The following SBF2 variants were observed in gnomAD, a reference collection of about 807,000 sequenced individuals.
The protein encoded by SBF2 is myotubularin-related protein 13.
A neutral mutation model predicts 225.2 loss-of-function variants in SBF2; 112 were observed. The observed-to-expected ratio is 0.50, with a 90% CI of 0.43 to 0.58. The LOEUF (loss-of-function observed/expected upper bound fraction) is 0.58, where lower values mean the gene tolerates loss of function less well. Among genes scored for constraint, SBF2 ranks in the 20% least tolerant of loss-of-function variants. The probability of loss-of-function intolerance (pLI) is 0.00; values close to 1 mark genes in which losing one functional copy is unlikely to be tolerated. For synonymous variants in SBF2, 763 were observed against 773.3 expected, an observed-to-expected ratio of 0.99 and a Z score of 0.22; for missense variants, 1,996 against 2,206.2, an observed-to-expected ratio of 0.90 and a Z score of 1.91.
At chr11:9,982,161 G>C (rs1946985096) in intron 13 of SBF2, among the ~76,000 whole-genome samples, 1 of 152,044 alleles carries the variant, frequency 6.6e-6, no homozygotes, top group Admixed American at 6.6e-5. Context: ...TTGTCAATTT[G>C]CTTTTTTTCT....
chr11:10,254,852 G>A (rs1960711839), intron 1 of SBF2, among the ~76,000 whole-genome samples: 2 of 123,314 alleles, frequency 1.6e-5, no homozygotes, highest in African/African-American at 3.1e-5. Context: ...AGTGAGCTGA[G>A]ATTGTGCCAT....
chr11:10,125,910 T>A (rs968145868), intron 2 of SBF2, among the ~76,000 whole-genome samples: 1 of 152,214 alleles, frequency 6.6e-6, no homozygotes, highest in Non-Finnish European at 1.5e-5. Context: ...TTATTTTCTG[T>A]GTTCTCATGC....
At chr11:9,897,278 C>G (rs1246263422) in intron 16 of SBF2, among the ~76,000 whole-genome samples, 1 of 151,936 alleles carries the variant, frequency 6.6e-6, no homozygotes, top group Non-Finnish European at 1.5e-5. Context: ...GCTCTGTCAC[C>G]CAGGGTTGGA....
intron 2 of SBF2, among the ~76,000 whole-genome samples, chr11:10,056,834 G>A (rs745421754): frequency 6.6e-5 from 10 of 152,284 alleles, no homozygotes; most frequent in Middle Eastern, 3.4e-3. Flanking sequence ...TGACTTAACC[G>A]TTCTAGTCTT....
At chr11:9,968,963 A>T (rs1867146483) in intron 13 of SBF2, among the ~76,000 whole-genome samples, 1 of 152,188 alleles carries the variant, frequency 6.6e-6, no homozygotes, top group Non-Finnish European at 1.5e-5. Context: ...TCTTTAAACA[A>T]GTTTTCTCCT....
chr11:9,949,400 A>T (rs1865733716), intron 16 of SBF2, among the ~76,000 whole-genome samples: 1 of 152,168 alleles, frequency 6.6e-6, no homozygotes, highest in South Asian at 2.1e-4. Context: ...TTTTAAAGGA[A>T]TGCATATAAA....
intron 1 of SBF2, among the ~76,000 whole-genome samples, chr11:10,200,764 G>A (rs1269826203): frequency 6.6e-6 from 1 of 151,586 alleles, no homozygotes; most frequent in Non-Finnish European, 1.5e-5. Context: ...GATATATATT[G>A]ACAAACTCTC....
intron 22 of SBF2, among the ~76,000 whole-genome samples, chr11:9,848,380 A>G (rs1477450143): frequency 6.6e-6 from 1 of 152,246 alleles, no homozygotes; most frequent in Non-Finnish European, 1.5e-5. Context: ...TTAAAAGGAA[A>G]TAAAAAGATT....
chr11:10,099,095 T>G (rs1029404746), intron 2 of SBF2, among the ~76,000 whole-genome samples: 1 of 152,156 alleles, frequency 6.6e-6, no homozygotes, highest in Non-Finnish European at 1.5e-5. Flanking sequence ...TTGAGAGAGA[T>G]ATGGACTTCC....
intron 22 of SBF2, among the ~76,000 whole-genome samples, chr11:9,848,729 G>T (rs917250710): frequency 5.9e-5 from 9 of 152,246 alleles, no homozygotes; most frequent in Non-Finnish European, 1.5e-5. Context: ...AATACAATTT[G>T]TGTATAGCAA....
Position 10,062,248 on chromosome 11 carries a change from C to G in SBF2, c.142-19267G>C, listed in dbSNP as rs78643633. Reference sequence around the variant, plus strand: ...AAACTATAAATACCCTGGAAGACAACCTAGGTAATACCCTCATGGATCTAG... The same window carrying G: ...AAACTATAAATACCCTGGAAGACAAGCTAGGTAATACCCTCATGGATCTAG... On this transcript the variant is annotated intron_variant, in intron 2 of 39. Transcript: ENST00000256190. 1.7e-3 allele frequency among the ~76,000 whole-genome samples: 265 copies of G among 152,276 alleles called. 3 individuals are homozygous for G. In the East Asian group the frequency reaches 0.045, roughly 26 times the overall value.
chr11:10,079,457 G>C (rs557216185), intron 2 of SBF2, among the ~76,000 whole-genome samples: 1 of 152,300 alleles, frequency 6.6e-6, no homozygotes, highest in South Asian at 2.1e-4. Flanking sequence ...TAATACAGTT[G>C]AAAGTTCTGA....
At chr11:9,867,975 T>C (rs890508059) in intron 17 of SBF2, among the ~76,000 whole-genome samples, 2 of 152,172 alleles carry the variant, frequency 1.3e-5, no homozygotes, top group African/African-American at 2.4e-5. Flanking sequence ...TTAACAATAA[T>C]TTATTGTATA....
At chr11:10,222,868 C>G (rs995081967) in intron 1 of SBF2, among the ~76,000 whole-genome samples, 6 of 152,218 alleles carry the variant, frequency 3.9e-5, no homozygotes, top group Admixed American at 6.5e-5. Flanking sequence ...TAATGGAACA[C>G]TAGGCATAAA....
intron 13 of SBF2, among the ~76,000 whole-genome samples, chr11:9,974,102 G>C (rs1160146984): frequency 1.3e-5 from 2 of 152,046 alleles, no homozygotes; most frequent in African/African-American, 4.8e-5. Flanking sequence ...TGACATTGAT[G>C]GAATGACTCA....
chr11:10,186,056 A>T (rs1405718839), intron 2 of SBF2, among the ~76,000 whole-genome samples: 1 of 152,180 alleles, frequency 6.6e-6, no homozygotes. Flanking sequence ...GCTGTGATTT[A>T]ATCTTCCAGG....
chr11:9,921,817 C>T (rs1424101736), intron 16 of SBF2, among the ~76,000 whole-genome samples: 1 of 152,154 alleles, frequency 6.6e-6, no homozygotes, highest in Non-Finnish European at 1.5e-5. Flanking sequence ...CTTCAAAGGG[C>T]TTACAAGCTA....
intron 16 of SBF2, among the ~76,000 whole-genome samples, chr11:9,956,007 T>C (rs1866142355): frequency 6.6e-6 from 1 of 152,146 alleles, no homozygotes; most frequent in South Asian, 2.1e-4. Flanking sequence ...TTCCTTTTTA[T>C]TTTTCTGTAA....
chr11:10,108,825 A>G (rs1374708173), intron 2 of SBF2, among the ~76,000 whole-genome samples: 3 of 150,506 alleles, frequency 2.0e-5, no homozygotes, highest in Admixed American at 6.6e-5. Flanking sequence ...CGCCCGGCCA[A>G]TAGTTAACTT....
Sources: allele counts gnomAD v4.1 joint callset (sites outside exome capture counted in the v4.1 genomes callset), GRCh38; gene constraint gnomAD v4.1.1; transcripts MANE v1.5; gene names NCBI Gene and HGNC (gene_info 2026-07-23, HGNC 2026-07-21).